The following ARPIN variants were observed in gnomAD, a reference collection of about 807,000 sequenced individuals.
ARPIN encodes the protein actin related protein 2/3 complex inhibitor, also known as UPF0552 protein C15orf38.
Under a neutral mutation model 25.9 loss-of-function variants are expected in ARPIN, and 23 were observed. The observed-to-expected ratio is 0.89, with a 90% CI of 0.64 to 1.26. The LOEUF (loss-of-function observed/expected upper bound fraction) is 1.26, where lower values mean the gene tolerates loss of function less well. ARPIN is among the 50% of genes most tolerant of loss of function. The pLI, the probability that ARPIN is intolerant of heterozygous loss-of-function variation, is 0.00. For synonymous variants in ARPIN, 126 were observed against 131.4 expected, an observed-to-expected ratio of 0.96 and a Z score of 0.28; for missense variants, 333 against 312.2, an observed-to-expected ratio of 1.07 and a Z score of -0.50.
intron 3 of ARPIN, 70 bp downstream of exon 3, chr15:89,908,210 G>C: frequency 6.3e-7 from 1 of 1,599,022 alleles, no homozygotes; most frequent in Non-Finnish European, 8.5e-7. Context: ...GGGCTAAGAG[G>C]CTCAGAAGAG....
intron 3 of ARPIN, among the ~76,000 whole-genome samples, chr15:89,907,510 C>G (rs189949897): frequency 3.9e-5 from 6 of 152,292 alleles, no homozygotes; most frequent in East Asian, 1.9e-4. Flanking sequence ...AAGAGAGAGC[C>G]GCCTTGCCTT....
chr15:89,910,947 A>G (rs540995944), intron 1 of ARPIN, 128 bp from the exon 2 acceptor site: 230 of 1,147,742 alleles, frequency 2.0e-4, no homozygotes, highest in Non-Finnish European at 2.8e-4. Context: ...TGCTTCCGAC[A>G]TAGGGATCTC....
At position 89,901,468 on chromosome 15, in the gene ARPIN, C is replaced by G. The variant is rs1245601279; in HGVS notation, c.*327G>C. The G allele has an allele frequency of 5.8e-6, 2 of 346,300 alleles. No homozygotes were observed. The highest frequency in any genetic ancestry group is 4.3e-5 in the African/African-American group (2 of 46,788). The allele number at this position is 346,300 out of a possible 1,614,324, so 21.5% of individuals were successfully genotyped here. A position where few individuals can be genotyped will look rare whatever the true frequency, so the allele number is the denominator to read the frequency against. On this transcript the variant is annotated 3_prime_UTR_variant, in exon 6 of 6. Transcript: ENST00000357484. ...TGGAGGGGGGTGGATCGCTTGAGTC[C>G]AGGAGTTTGAGATCAGCCTGGGCAA...
chr15:89,901,947 C>T (rs575919259), intron 5 of ARPIN, 144 bp from the exon 6 acceptor site: 94 of 862,952 alleles, frequency 1.1e-4, no homozygotes, highest in Non-Finnish European at 1.6e-4. Flanking sequence ...AGAGCTGGCC[C>T]GGCAGCTCCA....
intron 1 of ARPIN, among the ~76,000 whole-genome samples, chr15:89,911,046 A>T (rs1172851944): frequency 6.6e-6 from 1 of 152,080 alleles, no homozygotes; most frequent in East Asian, 1.9e-4. Flanking sequence ...CCCCTCCTAC[A>T]AGGCCACTGG....
At chr15:89,904,805 C>G (rs1897090106) in intron 3 of ARPIN, among the ~76,000 whole-genome samples, 1 of 152,214 alleles carries the variant, frequency 6.6e-6, no homozygotes, top group Non-Finnish European at 1.5e-5. Flanking sequence ...CCCATGAACA[C>G]ATTTCATGGA....
rs1897122279 is a variant in ARPIN at position 89,906,492 on chromosome 15, C to A, written c.301+1788G>T. Among the ~76,000 whole-genome samples, 3 of 152,156 alleles carry A rather than the reference C, an allele frequency of 2.0e-5. No individual in the cohort carries two copies. The South Asian group carries it at 6.2e-4, about 31-fold the overall frequency. ...TGTTATTCCCTGCTCTAGGGCATCC[C>A]CAGCCATGCCTGCCTGGGCTCAGCA... On this transcript the variant is annotated intron_variant, in intron 3 of 5. Transcript: ENST00000357484.
chr15:89,908,462 A>T, intron 2 of ARPIN, 50 bp from the exon 3 acceptor site: 1 of 1,605,960 alleles, frequency 6.2e-7, no homozygotes, highest in South Asian at 1.1e-5. Context: ...CCCACAACAC[A>T]CACACTCTGG....
At chr15:89,903,644 T>C in intron 4 of ARPIN, 133 bp downstream of exon 4, 2 of 1,446,234 alleles carry the variant, frequency 1.4e-6, no homozygotes, top group Non-Finnish European at 1.9e-6. Context: ...TAGGAGTAAA[T>C]CTCAAGGGCT....
At chr15:89,903,734 CCA>C (rs774624740) in intron 4 of ARPIN, 41 bp downstream of exon 4, 23 of 1,606,716 alleles carry the variant, frequency 1.4e-5, no homozygotes, top group Non-Finnish European at 2.0e-5. Context: ...CCCCCATGGG[CCA>C]CACAGGAACA....
At position 89,912,766 on chromosome 15, in the gene ARPIN, A is replaced by G; in HGVS notation, c.70T>C (p.Trp24Arg). 3 of 1,420,746 alleles carry G rather than the reference A, an allele frequency of 2.1e-6. No individual in the cohort carries two copies. Among genetic ancestry groups the G allele is most frequent in the East Asian group, 3.3e-5 (1 of 30,316 alleles). The allele number at this position is 1,420,746 out of a possible 1,614,324, so 88.0% of individuals were successfully genotyped here. ...TACCCCTGGTGGGCGGCGGGGTCCCAGGCCCCTGGCAGCCGGACGCTCTGC... is the reference window on the plus strand; with the variant it reads ...TACCCCTGGTGGGCGGCGGGGTCCCGGGCCCCTGGCAGCCGGACGCTCTGC... Reference protein sequence around the residue: ...AVQSVRLPGAWDPAAHQGGNG... With the variant: ...AVQSVRLPGARDPAAHQGGNG... Residue 24 changes from tryptophan to arginine, a missense_variant, in exon 1 of 6, where the codon TGG becomes CGG. Transcript: ENST00000357484.
chr15:89,912,666 C>A, intron 1 of ARPIN, 78 bp downstream of exon 1: 2 of 498,324 alleles, frequency 4.0e-6, no homozygotes, highest in Non-Finnish European at 2.6e-6. Context: ...ACCCGCATCC[C>A]ACCCCCCCAC....
In ARPIN at chr15:89,896,138, C is replaced by T. The variant is rs2141912434; in HGVS notation, c.*5657G>A. On this transcript the variant is annotated 3_prime_UTR_variant, in exon 6 of 6. Transcript: ENST00000357484. Reference sequence around the variant, plus strand: ...TCCTGACCTCAAGTGATTCACCCATCTCAGTCTCCCGAAGTGCTGGGATTA... The same window carrying T: ...TCCTGACCTCAAGTGATTCACCCATTTCAGTCTCCCGAAGTGCTGGGATTA... The T allele has an allele frequency of 6.6e-6, 1 of 152,366 alleles. No individual in the cohort carries two copies. Among genetic ancestry groups the T allele is most frequent in the East Asian group, 1.9e-4 (1 of 5,190 alleles). The allele number at this position is 152,366 out of a possible 1,614,324, so 9.4% of individuals were successfully genotyped here.
Position 89,904,751 on chromosome 15 carries a change from C to T in ARPIN, c.302-768G>A, listed in dbSNP as rs191899074. Among the ~76,000 whole-genome samples the T allele has an allele frequency of 1.7e-4, 26 of 152,328 alleles. No individual in the cohort carries two copies. In the East Asian group the frequency reaches 4.8e-3, roughly 28 times the overall value. Reference sequence around the variant, plus strand: ...TGTCCCACAGGCTGCCTGCGCCACGCCAAGCCCAGGTGGCCGCACTTCACT... The same window carrying T: ...TGTCCCACAGGCTGCCTGCGCCACGTCAAGCCCAGGTGGCCGCACTTCACT... On this transcript the variant is annotated intron_variant, in intron 3 of 5. Coordinates refer to ENST00000357484, the MANE Select transcript of ARPIN (RefSeq NM_182616.4).
intron 1 of ARPIN, 93 bp from the exon 2 acceptor site, chr15:89,910,912 G>C (rs920807817): frequency 3.4e-6 from 4 of 1,180,620 alleles, no homozygotes; most frequent in Admixed American, 2.2e-5. Context: ...TGAGAAGGCT[G>C]GGTACTGAGC....
intron 1 of ARPIN, 143 bp downstream of exon 1, chr15:89,912,601 C>A: frequency 7.4e-7 from 1 of 1,347,936 alleles, no homozygotes; most frequent in Non-Finnish European, 9.5e-7. Flanking sequence ...GAGCGGCGGA[C>A]TGGAGGGGCG....
intron 3 of ARPIN, among the ~76,000 whole-genome samples, chr15:89,905,331 C>T (rs375700186): frequency 1.3e-5 from 2 of 151,904 alleles, no homozygotes; most frequent in Non-Finnish European, 2.9e-5. Flanking sequence ...CATCAACTCA[C>T]GTCTGACCAC....
intron 5 of ARPIN, chr15:89,902,782 A>G (rs1897043964): frequency 2.1e-6 from 2 of 968,426 alleles, no homozygotes; most frequent in South Asian, 3.0e-5. Context: ...ACTCTCATCA[A>G]AAGAAAAACC....
chr15:89,901,616 C>G lies in ARPIN; in HGVS notation c.*179G>C. ...ACAGCATGAGGCCCCACCACCAACACAGTGGTCATGGGTTTGGTTTTAGCA... is the reference window on the plus strand; with the variant it reads ...ACAGCATGAGGCCCCACCACCAACAGAGTGGTCATGGGTTTGGTTTTAGCA... On this transcript the variant is annotated 3_prime_UTR_variant, in exon 6 of 6. Transcript: ENST00000357484. The G allele has an allele frequency of 4.3e-6, 3 of 699,788 alleles. No individual in the cohort carries two copies. The highest frequency in any genetic ancestry group is 7.3e-6 in the Non-Finnish European group (3 of 411,948). 43.3% of individuals were successfully genotyped at this position (699,788 alleles called of 1,614,324 possible).
Sources: gnomAD v4.1 joint callset for allele counts (sites outside exome capture counted in the v4.1 genomes callset) on GRCh38, gnomAD v4.1.1 for gene constraint, MANE v1.5 for transcripts, NCBI Gene and HGNC (gene_info 2026-07-23, HGNC 2026-07-21) for gene names.